The following MINDY4 variants were observed in gnomAD, a reference collection of about 807,000 sequenced individuals.
MINDY4 encodes probable ubiquitin carboxyl-terminal hydrolase MINDY-4.
In MINDY4, 68 loss-of-function variants were observed where a neutral mutation model predicts 87.0. That is an observed-to-expected ratio of 0.78 (90% CI 0.64 to 0.96). The LOEUF (loss-of-function observed/expected upper bound fraction) is 0.96. Ranked by LOEUF, MINDY4 falls within the 40% of genes least tolerant of loss-of-function variation. MINDY4 has a pLI of 0.00. For synonymous variants in MINDY4, 379 were observed against 363.2 expected (o/e 1.04, Z -0.50); for missense variants, 919 against 928.2 (o/e 0.99, Z 0.13).
rs914518144 is a variant in MINDY4, at chr7:30,873,389, G to C, written c.1809+1083G>C. ...GGCTGGGTCCCAAGCCCTGTTCTCTGTTTCACTCACAATATGAGCTGGGGC... is the reference window on the plus strand; with the variant it reads ...GGCTGGGTCCCAAGCCCTGTTCTCTCTTTCACTCACAATATGAGCTGGGGC... On this transcript the variant is annotated intron_variant, in intron 14 of 17. Coordinates refer to ENST00000265299, the MANE Select transcript of MINDY4 (RefSeq NM_032222.3). Among the ~76,000 whole-genome samples the C allele has an allele frequency of 2.2e-4, 34 of 152,160 alleles. 1 individual carries two copies. Among genetic ancestry groups the C allele is most frequent in the African/African-American group, 1.7e-4 (7 of 41,436 alleles).
At chr7:30,778,375 G>C in intron 1 of MINDY4, 57 bp from the exon 2 acceptor site, 1 of 1,610,786 alleles carries the variant, frequency 6.2e-7, no homozygotes, top group Admixed American at 1.7e-5. Flanking sequence ...TGTGCTTTAT[G>C]AGAACAGCGG....
intron 5 of MINDY4, among the ~76,000 whole-genome samples, chr7:30,825,353 C>T (rs1584280551): frequency 6.6e-6 from 1 of 152,184 alleles, no homozygotes; most frequent in Admixed American, 6.5e-5. Flanking sequence ...GAGCTGGGCT[C>T]TTGTGCTGAT....
chr7:30,887,715 G>A (rs1398145652), intron 17 of MINDY4, among the ~76,000 whole-genome samples: 3 of 152,248 alleles, frequency 2.0e-5, no homozygotes, highest in Non-Finnish European at 4.4e-5. Context: ...CCTCCACCTG[G>A]AGCCCAGGCT....
chr7:30,781,433 G>T (rs1407924244), intron 2 of MINDY4: 1 of 152,314 alleles, frequency 6.6e-6, no homozygotes, highest in African/African-American at 2.4e-5. Context: ...TTTGCCTTTT[G>T]TTTTTAAGGT....
intron 17 of MINDY4, among the ~76,000 whole-genome samples, chr7:30,890,329 G>C (rs527989997): frequency 6.6e-6 from 1 of 152,236 alleles, no homozygotes; most frequent in African/African-American, 2.4e-5. Context: ...TAGGATGAAC[G>C]TGACATCCTT....
At chr7:30,847,159 C>G (rs1165339663) in intron 9 of MINDY4, among the ~76,000 whole-genome samples, 1 of 152,218 alleles carries the variant, frequency 6.6e-6, no homozygotes, top group Non-Finnish European at 1.5e-5. Flanking sequence ...AACCAGGAAT[C>G]CAGCCCAAGC....
intron 15 of MINDY4, among the ~76,000 whole-genome samples, chr7:30,878,592 C>T (rs1288860040): frequency 6.6e-6 from 1 of 152,170 alleles, no homozygotes; most frequent in Non-Finnish European, 1.5e-5. Context: ...GGAGGCCAAG[C>T]CCCTCCAGGC....
In MINDY4 at chr7:30,819,926, G is replaced by A. The variant is rs1450893827; in HGVS notation, c.1074-8753G>A. ...TTTTTTTTTTTTTTTTTTTGAGACG[G>A]AGTCTCGCTCTGTCGCCCAGGCTGG... On this transcript the variant is annotated intron_variant, in intron 5 of 17. Coordinates refer to ENST00000265299, the MANE Select transcript of MINDY4 (RefSeq NM_032222.3). Among the ~76,000 whole-genome samples the A allele has an allele frequency of 8.5e-5, 11 of 130,164 alleles. No homozygotes were observed. In the South Asian group the frequency reaches 2.8e-3, roughly 33 times the overall value. The allele number at this position is 130,164 out of a possible 152,430, so 85.4% of individuals were successfully genotyped here. A position where few individuals can be genotyped will look rare whatever the true frequency, so the allele number is the denominator to read the frequency against.
At chr7:30,779,074 G>A (rs899238412) in intron 2 of MINDY4, among the ~76,000 whole-genome samples, 1 of 152,126 alleles carries the variant, frequency 6.6e-6, no homozygotes, top group Non-Finnish European at 1.5e-5. Context: ...TTTCTTGGGC[G>A]GGAAGGGGGC....
chr7:30,776,962 A>G (rs192018394), intron 1 of MINDY4, among the ~76,000 whole-genome samples: 34 of 50,800 alleles, frequency 6.7e-4, no homozygotes, highest in African/African-American at 1.8e-3. Flanking sequence ...CTCTACCCCA[A>G]TGGTATTTCT....
At chr7:30,858,336 G>T (rs555720449) in intron 12 of MINDY4, 1 of 152,144 alleles carries the variant, frequency 6.6e-6, no homozygotes, top group Non-Finnish European at 1.5e-5. Context: ...ATTAACTCAC[G>T]TAATTTTCAC....
At chr7:30,848,200 C>T (rs942519815) in intron 9 of MINDY4, among the ~76,000 whole-genome samples, 11 of 152,200 alleles carry the variant, frequency 7.2e-5, no homozygotes, top group African/African-American at 2.4e-4. Context: ...ACTCCAGGCA[C>T]GATTTTGTGT....
At chr7:30,774,439 C>G (rs985735407) in intron 1 of MINDY4, among the ~76,000 whole-genome samples, 2 of 152,186 alleles carry the variant, frequency 1.3e-5, no homozygotes, top group African/African-American at 4.8e-5. Flanking sequence ...TAGGTTACTC[C>G]TATCAGCACA....
intron 5 of MINDY4, among the ~76,000 whole-genome samples, chr7:30,810,186 AAAAAAAAAAAAG>A (rs1776526916): frequency 6.6e-6 from 1 of 150,966 alleles, no homozygotes; most frequent in Non-Finnish European, 1.5e-5. Flanking sequence ...AAAAAAAAAA[AAAAAAAAAAAAG>A]AAATGTTTAT....
intron 17 of MINDY4, 117 bp from the exon 18 acceptor site, chr7:30,891,840 C>T: frequency 1.0e-6 from 1 of 1,004,594 alleles, no homozygotes; most frequent in Non-Finnish European, 1.6e-6. Flanking sequence ...AGGATGGAAA[C>T]CGAACTATTC....
intron 4 of MINDY4, among the ~76,000 whole-genome samples, chr7:30,789,238 G>T (rs1178793429): frequency 3.3e-5 from 5 of 152,192 alleles, no homozygotes; most frequent in Non-Finnish European, 5.9e-5. Context: ...GTCCAGTGGA[G>T]ATGCCCTTTA....
rs753168544 is a variant in MINDY4 at position 30,778,489 on chromosome 7, A to G, written c.121A>G (p.Ile41Val). The G allele has an allele frequency of 6.2e-6, 10 of 1,614,246 alleles. No homozygotes were observed. The African/African-American group carries it at 8.0e-5, about 13-fold the overall frequency. The part of the protein sequence containing the change: ...DQERPRSDLS[I>V]NNRNDLRKVL... ...GGAACGCCCACGCTCTGACCTCAGC[A>G]TAAACAACAGAAATGATCTTCGAAA... The change falls in exon 2 of 18, where the codon ATA becomes GTA. Residue 41 changes from isoleucine (I) to valine (V), a missense_variant. Coordinates refer to ENST00000265299, the MANE Select transcript of MINDY4 (RefSeq NM_032222.3).
intron 6 of MINDY4, among the ~76,000 whole-genome samples, chr7:30,829,184 G>T (rs941265809): frequency 1.4e-4 from 21 of 152,228 alleles, no homozygotes; most frequent in African/African-American, 4.6e-4. Context: ...ACAACCTTAA[G>T]TGCCCTGGTC....
intron 13 of MINDY4, among the ~76,000 whole-genome samples, chr7:30,866,264 G>A (rs1434190607): frequency 6.6e-6 from 1 of 152,220 alleles, no homozygotes; most frequent in African/African-American, 2.4e-5. Flanking sequence ...TTCATGCAGG[G>A]CCAGGTGCGC....
Sources: allele counts gnomAD v4.1 joint callset (sites outside exome capture counted in the v4.1 genomes callset), GRCh38; gene constraint gnomAD v4.1.1; transcripts MANE v1.5; gene names NCBI Gene and HGNC (gene_info 2026-07-23, HGNC 2026-07-21).